The following CCDC178 variants were observed in gnomAD, a reference collection of about 807,000 sequenced individuals.
The protein encoded by CCDC178 is coiled-coil domain containing 178, also known as coiled-coil domain-containing protein 178.
CCDC178 carries 126 observed loss-of-function variants against 117.4 expected under a neutral mutation model. The ratio of observed to expected loss-of-function variants is 1.07; its 90% CI spans 0.93 to 1.24. The LOEUF (loss-of-function observed/expected upper bound fraction) is 1.24, where lower values mean the gene tolerates loss of function less well. CCDC178 is among the 50% of genes most tolerant of loss of function. The probability of loss-of-function intolerance (pLI) is 0.00; values close to 1 mark genes in which losing one functional copy is unlikely to be tolerated. For synonymous variants in CCDC178, 283 were observed against 313.4 expected, an observed-to-expected ratio of 0.90 and a Z score of 1.02; for missense variants, 1,030 against 986.9, an observed-to-expected ratio of 1.04 and a Z score of -0.59.
At chr18:33,066,152 C>T (rs1311089202) in intron 21 of CCDC178, among the ~76,000 whole-genome samples, 6 of 152,052 alleles carry the variant, frequency 3.9e-5, no homozygotes, top group Admixed American at 2.0e-4. Context: ...TGAGCCACCG[C>T]GCCTGGCCTG....
At chr18:33,409,871 AC>A (rs1270829576) in intron 3 of CCDC178, among the ~76,000 whole-genome samples, 1 of 152,186 alleles carries the variant, frequency 6.6e-6, no homozygotes, top group Non-Finnish European at 1.5e-5. Flanking sequence ...AAACTTGCTC[AC>A]CAAGCACATT....
intron 15 of CCDC178, among the ~76,000 whole-genome samples, chr18:33,243,866 C>T (rs1442504203): frequency 6.6e-6 from 1 of 151,362 alleles, no homozygotes; most frequent in Admixed American, 6.6e-5. Flanking sequence ...TCATTGATAT[C>T]CTCAAAGAAA....
intron 20 of CCDC178, among the ~76,000 whole-genome samples, chr18:33,141,378 GC>G (rs2058202783): frequency 6.6e-6 from 1 of 152,010 alleles, no homozygotes. Context: ...CTCTGGCCTA[GC>G]CCCCAAACAT....
chr18:33,278,042 A>C (rs1272534653), intron 12 of CCDC178, among the ~76,000 whole-genome samples: 1 of 151,890 alleles, frequency 6.6e-6, no homozygotes, highest in South Asian at 2.1e-4. Flanking sequence ...GTGCCCACAA[A>C]TCTCCAACCA....
chr18:32,955,392 G>A (rs1366836827), intron 22 of CCDC178, among the ~76,000 whole-genome samples: 1 of 150,370 alleles, frequency 6.7e-6, no homozygotes, highest in African/African-American at 2.5e-5. Context: ...CTAGGTCTTA[G>A]TACTCTGTTT....
At chr18:33,364,164 C>A (rs1401674352) in intron 6 of CCDC178, among the ~76,000 whole-genome samples, 1 of 152,044 alleles carries the variant, frequency 6.6e-6, no homozygotes, top group Non-Finnish European at 1.5e-5. Flanking sequence ...CAAGAACCAG[C>A]AAAACTGCCC....
chr18:33,360,386 T>C (rs192368929), intron 6 of CCDC178, among the ~76,000 whole-genome samples: 1 of 151,462 alleles, frequency 6.6e-6, no homozygotes, highest in Admixed American at 6.6e-5. Flanking sequence ...CCAATCGTTG[T>C]ATATATACAC....
At chr18:33,068,830 C>A (rs1284993428) in intron 21 of CCDC178, among the ~76,000 whole-genome samples, 1 of 151,832 alleles carries the variant, frequency 6.6e-6, no homozygotes, top group Non-Finnish European at 1.5e-5. Context: ...AGCAATCAGG[C>A]AACATAAATA....
chr18:33,300,541 A>G (rs1202726189), intron 11 of CCDC178, among the ~76,000 whole-genome samples: 1 of 152,192 alleles, frequency 6.6e-6, no homozygotes. Flanking sequence ...AAATACTGAT[A>G]GAAACGTTGA....
intron 20 of CCDC178, among the ~76,000 whole-genome samples, chr18:33,118,731 C>T (rs1352137356): frequency 2.6e-5 from 4 of 152,146 alleles, no homozygotes; most frequent in Admixed American, 2.0e-4. Flanking sequence ...GCCCGCATCA[C>T]CAAGTCAATC....
chr18:33,379,765 T>G (rs1016974449), intron 5 of CCDC178, among the ~76,000 whole-genome samples: 1 of 152,144 alleles, frequency 6.6e-6, no homozygotes, highest in Non-Finnish European at 1.5e-5. Flanking sequence ...CAACAAGATC[T>G]CTGCACAAGA....
intron 11 of CCDC178, among the ~76,000 whole-genome samples, chr18:33,320,210 C>A (rs2062486311): frequency 1.3e-5 from 2 of 152,162 alleles, no homozygotes; most frequent in South Asian, 4.1e-4. Context: ...TCTCACCACT[C>A]CTGTTCAACA....
intron 20 of CCDC178, among the ~76,000 whole-genome samples, chr18:33,157,464 A>G (rs915242098): frequency 2.0e-5 from 3 of 152,194 alleles, no homozygotes; most frequent in African/African-American, 4.8e-5. Flanking sequence ...AATAGTTTGG[A>G]ATGATATTAA....
chr18:33,188,471 G>C (rs1015406051), intron 20 of CCDC178, among the ~76,000 whole-genome samples: 10 of 152,136 alleles, frequency 6.6e-5, no homozygotes, highest in African/African-American at 9.7e-5. Context: ...AGCAGCAGCA[G>C]AAGGCAAAAG....
At chr18:32,976,435 A>G (rs2055029607) in intron 21 of CCDC178, among the ~76,000 whole-genome samples, 1 of 152,122 alleles carries the variant, frequency 6.6e-6, no homozygotes, top group Non-Finnish European at 1.5e-5. Context: ...AGGAGGTAGC[A>G]CTAGCCCTGT....
At chr18:32,955,179 T>C (rs911144538) in intron 22 of CCDC178, among the ~76,000 whole-genome samples, 8 of 152,184 alleles carry the variant, frequency 5.3e-5, no homozygotes, top group African/African-American at 1.9e-4. Flanking sequence ...CTCCCTCTTT[T>C]TCTTTACATC....
At chr18:33,084,306 T>G (rs2057343378) in intron 21 of CCDC178, among the ~76,000 whole-genome samples, 1 of 152,240 alleles carries the variant, frequency 6.6e-6, no homozygotes. Flanking sequence ...AACATGAAGA[T>G]GCCAGATTAA....
chr18:33,079,403 T>A (rs1376254387), intron 21 of CCDC178, among the ~76,000 whole-genome samples: 2 of 151,976 alleles, frequency 1.3e-5, no homozygotes, highest in South Asian at 4.1e-4. Context: ...AAAACAATCA[T>A]AACAAAACCA....
intron 20 of CCDC178, among the ~76,000 whole-genome samples, chr18:33,146,864 T>G (rs1051996016): frequency 6.6e-6 from 1 of 152,202 alleles, no homozygotes; most frequent in Non-Finnish European, 1.5e-5. Flanking sequence ...TAACAACAGA[T>G]GGAAAGTCTA....
Sources: gnomAD v4.1 joint callset for allele counts (sites outside exome capture counted in the v4.1 genomes callset) on GRCh38, gnomAD v4.1.1 for gene constraint, MANE v1.5 for transcripts, NCBI Gene and HGNC (gene_info 2026-07-23, HGNC 2026-07-21) for gene names.